The following CPPED1 variants were observed in gnomAD, a reference collection of about 807,000 sequenced individuals.
The protein encoded by CPPED1 is calcineurin like phosphoesterase domain containing 1, also known as serine/threonine-protein phosphatase CPPED1.
A neutral mutation model predicts 28.0 loss-of-function variants in CPPED1; 28 were observed. The ratio of observed to expected loss-of-function variants is 1.00; its 90% CI spans 0.74 to 1.37. The LOEUF is 1.37. CPPED1 is among the 40% of genes most tolerant of loss of function. The pLI is 0.00. For synonymous variants in CPPED1, 198 were observed against 180.2 expected, an observed-to-expected ratio of 1.10 and a Z score of -0.79; for missense variants, 504 against 416.5, an observed-to-expected ratio of 1.21 and a Z score of -1.83.
At chr16:12,685,560 C>T (rs1259777263) in intron 3 of CPPED1, among the ~76,000 whole-genome samples, 1 of 152,216 alleles carries the variant, frequency 6.6e-6, no homozygotes, top group Admixed American at 6.5e-5. Flanking sequence ...CTGTCTACTG[C>T]ATGCCGGGGA....
At position 12,802,249 on chromosome 16, in the gene CPPED1, C is replaced by A. The variant is rs74245912; in HGVS notation, c.70+1458G>T. Among the ~76,000 whole-genome samples, 30 of 152,216 alleles carry A rather than the reference C, an allele frequency of 2.0e-4. No individual in the cohort carries two copies. The East Asian group carries it at 4.2e-3, about 22-fold the overall frequency. On this transcript the variant is annotated intron_variant, in intron 1 of 3. Coordinates refer to ENST00000381774, the MANE Select transcript of CPPED1 (RefSeq NM_018340.3). ...TATATAATCATCCAATGGAATGTTGCCCAGCAAGAAAAGAGCAAAATCTTC... is the reference window on the plus strand; with the variant it reads ...TATATAATCATCCAATGGAATGTTGACCAGCAAGAAAAGAGCAAAATCTTC...
At chr16:12,673,084 G>A (rs538309689) in intron 3 of CPPED1, among the ~76,000 whole-genome samples, 31 of 152,112 alleles carry the variant, frequency 2.0e-4, no homozygotes, top group Non-Finnish European at 3.4e-4. Flanking sequence ...GGGCAGGGTG[G>A]CGTGACAGAT....
At chr16:12,665,326 T>C (rs189330799) in intron 3 of CPPED1, among the ~76,000 whole-genome samples, 3 of 152,192 alleles carry the variant, frequency 2.0e-5, no homozygotes, top group Admixed American at 2.0e-4. Context: ...GGATACTTCA[T>C]ATATATAATA....
Position 12,685,837 on chromosome 16 carries a change from C to T in CPPED1, c.715+18787G>A, listed in dbSNP as rs138185124. 4.2e-4 allele frequency among the ~76,000 whole-genome samples: 64 copies of T among 152,336 alleles called. 2 individuals carry two copies. In the East Asian group the frequency reaches 0.011, roughly 26 times the overall value. On this transcript the variant is annotated intron_variant, in intron 3 of 3. Coordinates refer to ENST00000381774, the MANE Select transcript of CPPED1 (RefSeq NM_018340.3). ...GATATGGAGATTTGGGAGGAAACCA[C>T]GGGGGTGTCTGAGAAAGGTTATGTT...
intron 2 of CPPED1, among the ~76,000 whole-genome samples, chr16:12,765,987 G>A (rs79774803): frequency 0.024 from 3,686 of 151,970 alleles, 156 homozygotes; most frequent in African/African-American, 0.084. Flanking sequence ...TCTAACTCCA[G>A]GAAATGAGTG....
Position 12,756,551 on chromosome 16 carries a change from G to C in CPPED1, c.289+24634C>G, listed in dbSNP as rs570703800. Among the ~76,000 whole-genome samples the C allele has an allele frequency of 2.0e-5, 3 of 152,066 alleles. No individual in the cohort carries two copies. The South Asian group carries it at 6.3e-4, about 32-fold the overall frequency. Reference sequence around the variant, plus strand: ...ACTAAAAATACAAAAAAATTAGCTGGGTGTGATGGCACAGGCATGGTGGAG... The same window carrying C: ...ACTAAAAATACAAAAAAATTAGCTGCGTGTGATGGCACAGGCATGGTGGAG... On this transcript the variant is annotated intron_variant, in intron 2 of 3. Coordinates refer to ENST00000381774, the MANE Select transcript of CPPED1 (RefSeq NM_018340.3).
intron 1 of CPPED1, among the ~76,000 whole-genome samples, chr16:12,796,043 A>G (rs2080625779): frequency 6.6e-6 from 1 of 151,610 alleles, no homozygotes; most frequent in South Asian, 2.1e-4. Flanking sequence ...AGATCACGCC[A>G]CTGCACTCTA....
chr16:12,766,502 A>G (rs1245189166), intron 2 of CPPED1, among the ~76,000 whole-genome samples: 1 of 152,068 alleles, frequency 6.6e-6, no homozygotes, highest in Non-Finnish European at 1.5e-5. Context: ...CAGATCTCGT[A>G]GTATGGGGGA....
At chr16:12,767,872 A>T (rs2080448297) in intron 2 of CPPED1, among the ~76,000 whole-genome samples, 1 of 152,076 alleles carries the variant, frequency 6.6e-6, no homozygotes, top group Non-Finnish European at 1.5e-5. Flanking sequence ...CGAGAGAATC[A>T]CTTGAACCCA....
chr16:12,772,864 T>C (rs930988997), intron 2 of CPPED1, among the ~76,000 whole-genome samples: 2 of 152,194 alleles, frequency 1.3e-5, no homozygotes, highest in Admixed American at 6.5e-5. Flanking sequence ...AGACAGGTCA[T>C]AGAACACATA....
intron 2 of CPPED1, among the ~76,000 whole-genome samples, chr16:12,710,781 A>C (rs2080075936): frequency 6.6e-6 from 1 of 152,202 alleles, no homozygotes; most frequent in African/African-American, 2.4e-5. Context: ...TCAAAACCAC[A>C]ATGAGACGCC....
At chr16:12,678,286 C>A (rs930632338) in intron 3 of CPPED1, among the ~76,000 whole-genome samples, 2 of 152,164 alleles carry the variant, frequency 1.3e-5, no homozygotes, top group South Asian at 2.1e-4. Flanking sequence ...TCTGTCCTGA[C>A]GGTCAGAAAG....
chr16:12,756,672 C>T (rs960471165), intron 2 of CPPED1, among the ~76,000 whole-genome samples: 8 of 151,954 alleles, frequency 5.3e-5, no homozygotes, highest in Non-Finnish European at 1.2e-4. Context: ...CCACTGCACC[C>T]CAGCCTGGGC....
intron 2 of CPPED1, among the ~76,000 whole-genome samples, chr16:12,724,746 G>A (rs1248010413): frequency 1.3e-5 from 2 of 152,308 alleles, no homozygotes; most frequent in East Asian, 3.9e-4. Context: ...AGAATGGAAA[G>A]CGTTTTGCAT....
At chr16:12,780,282 C>T (rs2080522286) in intron 2 of CPPED1, among the ~76,000 whole-genome samples, 1 of 152,142 alleles carries the variant, frequency 6.6e-6, no homozygotes, top group South Asian at 2.1e-4. Flanking sequence ...TGGGTTCAAG[C>T]AAGTTTCATG....
At position 12,803,725 on chromosome 16, in the gene CPPED1, G is replaced by A; in HGVS notation, c.52C>T (p.Leu18=). The A allele has an allele frequency of 4.4e-6, 7 of 1,584,708 alleles. No individual in the cohort carries two copies. The highest frequency in any genetic ancestry group is 6.0e-6 in the Non-Finnish European group (7 of 1,167,476). The change falls in exon 1 of 4, where the codon CTG becomes TTG. Residue 18 remains leucine, a synonymous_variant. Transcript: ENST00000381774. Reference sequence around the variant, plus strand: ...GCAGTACCTGCGGGAAACGCGGCCAGGGTCCTGCCCCTGGCTCTGTGGAAA... The same window carrying A: ...GCAGTACCTGCGGGAAACGCGGCCAAGGTCCTGCCCCTGGCTCTGTGGAAA... ...GVFHRARGRT[L]AAFPAEKESE... is the part of the protein sequence containing the mutation.
chr16:12,788,166 A>G (rs957788012), intron 1 of CPPED1, among the ~76,000 whole-genome samples: 12 of 152,180 alleles, frequency 7.9e-5, no homozygotes, highest in Non-Finnish European at 1.8e-4. Context: ...ACAATCTTAT[A>G]TAACATCATG....
intron 2 of CPPED1, chr16:12,753,682 C>A (rs1391835276): frequency 6.6e-6 from 1 of 152,240 alleles, no homozygotes; most frequent in African/African-American, 2.4e-5. Context: ...TCCTCAGAAT[C>A]CATGTGTCTA....
chr16:12,697,434 C>T (rs1159700186), intron 3 of CPPED1, among the ~76,000 whole-genome samples: 2 of 152,174 alleles, frequency 1.3e-5, no homozygotes, highest in Non-Finnish European at 2.9e-5. Flanking sequence ...GCACGCCCTC[C>T]ACTGAAGACC....
Sources: gnomAD v4.1 joint callset for allele counts (sites outside exome capture counted in the v4.1 genomes callset) on GRCh38, gnomAD v4.1.1 for gene constraint, MANE v1.5 for transcripts, NCBI Gene and HGNC (gene_info 2026-07-23, HGNC 2026-07-21) for gene names.